The following LRRTM4 variants were observed in gnomAD, a reference collection of about 807,000 sequenced individuals.
The protein encoded by LRRTM4 is leucine rich repeat transmembrane neuronal 4.
In LRRTM4, 25 loss-of-function variants were observed where a neutral mutation model predicts 47.6. The observed-to-expected ratio is 0.53, with a 90% confidence interval of 0.38 to 0.73. The LOEUF is 0.73. Ranked by LOEUF, LRRTM4 falls within the 30% of genes least tolerant of loss-of-function variation. LRRTM4 has a pLI of 0.00. For missense variants in LRRTM4, 638 were observed against 713.4 expected, an observed-to-expected ratio of 0.89 and a Z score of 1.20; for synonymous variants, 311 against 269.5, an observed-to-expected ratio of 1.15 and a Z score of -1.51.
intron 3 of LRRTM4, among the ~76,000 whole-genome samples, chr2:76,807,909 CTTTTCTTTCCTT>C (rs1273102784): frequency 7.1e-6 from 1 of 141,676 alleles, no homozygotes; most frequent in Non-Finnish European, 1.5e-5. Flanking sequence ...ACTTTTCTTT[CTTTTCTTTCCTT>C]TCTTTCCTTT....
At chr2:76,970,537 T>C (rs1676183406) in intron 3 of LRRTM4, among the ~76,000 whole-genome samples, 1 of 152,076 alleles carries the variant, frequency 6.6e-6, no homozygotes, top group South Asian at 2.1e-4. Context: ...GCATATCATA[T>C]GACTATTAAA....
intron 3 of LRRTM4, among the ~76,000 whole-genome samples, chr2:76,798,967 C>A (rs1429979197): frequency 1.3e-5 from 2 of 150,940 alleles, no homozygotes; most frequent in Non-Finnish European, 3.0e-5. Flanking sequence ...CAATAGCTTA[C>A]CAACCAAAAA....
At chr2:77,360,907 C>T (rs959858403) in intron 3 of LRRTM4, among the ~76,000 whole-genome samples, 5 of 152,050 alleles carry the variant, frequency 3.3e-5, no homozygotes, top group African/African-American at 1.2e-4. Context: ...ACATAGGCTG[C>T]CATTGTTATC....
chr2:76,776,834 A>C (rs530677043), intron 3 of LRRTM4, among the ~76,000 whole-genome samples: 149 of 142,536 alleles, frequency 1.0e-3, no homozygotes, highest in Non-Finnish European at 1.3e-3. Context: ...GTCCTTGCCC[A>C]TGCCTATGTC....
chr2:77,190,520 G>A (rs542886880), intron 3 of LRRTM4, among the ~76,000 whole-genome samples: 9 of 151,806 alleles, frequency 5.9e-5, no homozygotes, highest in East Asian at 1.9e-4. Flanking sequence ...GGCTGGTCTC[G>A]AACTCCTGAC....
In LRRTM4 at chr2:76,999,081, C is replaced by T. The variant is rs538602498; in HGVS notation, c.1552-250165G>A. Reference sequence around the variant, plus strand: ...ATGGTTGTTGATATTATTGTTGTTACTGTTGTTGTGTGTGTGTTGGGGAGG... The same window carrying T: ...ATGGTTGTTGATATTATTGTTGTTATTGTTGTTGTGTGTGTGTTGGGGAGG... On this transcript the variant is annotated intron_variant, in intron 3 of 3. Coordinates refer to ENST00000409884, the MANE Select transcript of LRRTM4 (RefSeq NM_001134745.3). Among the ~76,000 whole-genome samples, 5 of 152,050 alleles carry T rather than the reference C, an allele frequency of 3.3e-5. No individual in the cohort carries two copies. The East Asian group carries it at 9.7e-4, about 29-fold the overall frequency.
chr2:77,400,157 C>A (rs140191205), intron 3 of LRRTM4, among the ~76,000 whole-genome samples: 81 of 151,942 alleles, frequency 5.3e-4, no homozygotes, highest in Middle Eastern at 3.4e-3. Context: ...TCTTTCTGTG[C>A]CCAGCTTATT....
chr2:77,377,659 C>A (rs760532828), intron 3 of LRRTM4, among the ~76,000 whole-genome samples: 19 of 151,998 alleles, frequency 1.3e-4, no homozygotes, highest in Non-Finnish European at 2.6e-4. Context: ...AATCTATCTA[C>A]AAACAGCTAA....
chr2:76,884,438 C>A (rs1448690958), intron 3 of LRRTM4, among the ~76,000 whole-genome samples: 3 of 151,978 alleles, frequency 2.0e-5, no homozygotes, highest in Middle Eastern at 3.2e-3. Flanking sequence ...GACTAAATTC[C>A]AAAGACAGAC....
At chr2:76,767,241 G>A (rs187248011) in intron 3 of LRRTM4, among the ~76,000 whole-genome samples, 35 of 152,222 alleles carry the variant, frequency 2.3e-4, no homozygotes, top group African/African-American at 7.7e-4. Flanking sequence ...TTATATGGAC[G>A]TTTAACATCA....
intron 3 of LRRTM4, among the ~76,000 whole-genome samples, chr2:76,826,348 ATGGC>A (rs1558679022): frequency 2.0e-5 from 3 of 151,612 alleles, no homozygotes; most frequent in Non-Finnish European, 4.4e-5. Context: ...GCTAGGCATC[ATGGC>A]ATATCAGCTG....
intron 3 of LRRTM4, among the ~76,000 whole-genome samples, chr2:76,901,963 T>C (rs1270879823): frequency 2.6e-5 from 4 of 152,198 alleles, no homozygotes; most frequent in Admixed American, 1.3e-4. Context: ...TGTTCACAGG[T>C]CCCAGAAATT....
intron 3 of LRRTM4, among the ~76,000 whole-genome samples, chr2:76,906,908 A>G (rs1469761037): frequency 6.6e-6 from 1 of 151,812 alleles, no homozygotes; most frequent in Non-Finnish European, 1.5e-5. Flanking sequence ...GGAGACTTTA[A>G]CACCCCACTG....
At chr2:76,984,331 TA>T (rs1302047656) in intron 3 of LRRTM4, among the ~76,000 whole-genome samples, 1 of 152,026 alleles carries the variant, frequency 6.6e-6, no homozygotes, top group Non-Finnish European at 1.5e-5. Context: ...CAATATTTTT[TA>T]AATGTGTAGT....
chr2:77,185,281 T>A (rs905306354), intron 3 of LRRTM4, among the ~76,000 whole-genome samples: 1 of 152,170 alleles, frequency 6.6e-6, no homozygotes, highest in African/African-American at 2.4e-5. Context: ...AATCTACAAT[T>A]GTCCAGTGTC....
intron 3 of LRRTM4, among the ~76,000 whole-genome samples, chr2:77,192,731 C>T (rs188092588): frequency 7.6e-4 from 115 of 152,174 alleles, no homozygotes; most frequent in African/African-American, 2.7e-3. Context: ...ATTTGGATGG[C>T]ATTAGTATTG....
Position 77,347,418 on chromosome 2 carries a change from A to G in LRRTM4, c.1551+170900T>C, listed in dbSNP as rs553621949. ...GTATTACCAGAATATTTGGAGTACTATTGGACTATTTATTTATATCATACT... is the reference window on the plus strand; with the variant it reads ...GTATTACCAGAATATTTGGAGTACTGTTGGACTATTTATTTATATCATACT... On this transcript the variant is annotated intron_variant, in intron 3 of 3. Transcript: ENST00000409884. Among the ~76,000 whole-genome samples the G allele has an allele frequency of 1.6e-3, 251 of 152,246 alleles. 1 individual carries two copies. Among genetic ancestry groups the G allele is most frequent in the Non-Finnish European group, 2.8e-3 (189 of 68,006 alleles).
chr2:77,483,777 C>A (rs1452403479), intron 3 of LRRTM4, among the ~76,000 whole-genome samples: 4 of 152,072 alleles, frequency 2.6e-5, no homozygotes, highest in African/African-American at 4.8e-5. Context: ...TATTAAAAAA[C>A]CAACTTCATC....
In LRRTM4 at chr2:76,807,443, T is replaced by TATATATACATATATATATAC. The variant is rs1340328428; in HGVS notation, c.1552-58528_1552-58527insGTATATATATATGTATATAT. ...ATATATACATATATATATACGTATA[T>TATATATACATATATATATAC]ACATATATATATATACATATATATA... On this transcript the variant is annotated intron_variant, in intron 3 of 3. Coordinates refer to ENST00000409884, the MANE Select transcript of LRRTM4 (RefSeq NM_001134745.3). Among the ~76,000 whole-genome samples, 147 of 99,480 alleles carry TATATATACATATATATATAC rather than the reference T, an allele frequency of 1.5e-3. 4 individuals are homozygous for TATATATACATATATATATAC. The highest frequency in any genetic ancestry group is 5.7e-3 in the South Asian group (17 of 3,000). 65.3% of individuals were successfully genotyped at this position (99,480 alleles called of 152,430 possible). A position where few individuals can be genotyped will look rare whatever the true frequency, so the allele number is the denominator to read the frequency against.
Sources: gnomAD v4.1 joint callset for allele counts (sites outside exome capture counted in the v4.1 genomes callset) on GRCh38, gnomAD v4.1.1 for gene constraint, MANE v1.5 for transcripts, NCBI Gene and HGNC (gene_info 2026-07-23, HGNC 2026-07-21) for gene names.